The following SLC5A4 variants were observed in gnomAD, a reference collection of about 807,000 sequenced individuals.
SLC5A4 encodes solute carrier family 5 member 4, also known as probable glucose sensor protein SLC5A4.
Under a neutral mutation model 70.3 loss-of-function variants are expected in SLC5A4, and 55 were observed. The ratio of observed to expected loss-of-function variants is 0.78; its 90% CI spans 0.63 to 0.98. The LOEUF is 0.98. Among genes scored for constraint, SLC5A4 ranks in the 50% least tolerant of loss-of-function variants. SLC5A4 has a pLI of 0.00. For missense variants in SLC5A4, 735 were observed against 839.2 expected, an observed-to-expected ratio of 0.88 and a Z score of 1.53; for synonymous variants, 268 against 305.7, an observed-to-expected ratio of 0.88 and a Z score of 1.29.
At chr22:32,321,995 TCA>T in the SLC5A4 span, among the ~76,000 whole-genome samples, 1 of 152,208 alleles carries the variant, frequency 6.6e-6, no homozygotes, top group Non-Finnish European at 1.5e-5. Flanking sequence ...AATTTGGGCA[TCA>T]CACTCAATTA....
the SLC5A4 span, among the ~76,000 whole-genome samples, chr22:32,347,461 T>C: frequency 6.6e-6 from 1 of 151,910 alleles, no homozygotes. Context: ...AACCCAAATG[T>C]CCAACAATGA....
the SLC5A4 span, among the ~76,000 whole-genome samples, chr22:32,326,498 A>G: frequency 0.38 from 57,690 of 151,446 alleles, 11,329 homozygotes; most frequent in South Asian, 0.47. Context: ...CAGGTGATCC[A>G]CCCGCCTCGG....
intron 11 of SLC5A4, among the ~76,000 whole-genome samples, chr22:32,227,960 G>C (rs1029723514): frequency 2.6e-5 from 4 of 151,516 alleles, no homozygotes; most frequent in Non-Finnish European, 4.4e-5. Context: ...GCAAGACTCT[G>C]TCTTGAAAAA....
the SLC5A4 span, among the ~76,000 whole-genome samples, chr22:32,327,895 G>A: frequency 6.6e-6 from 1 of 152,254 alleles, no homozygotes; most frequent in South Asian, 2.1e-4. Flanking sequence ...GGGCACCTCG[G>A]GCATGGCATG....
chr22:32,335,152 C>T, the SLC5A4 span, among the ~76,000 whole-genome samples: 2 of 152,184 alleles, frequency 1.3e-5, no homozygotes, highest in Admixed American at 6.5e-5. Context: ...CCCAAGGACA[C>T]TGGGAGCCCT....
chr22:32,236,470 T>G (rs987421686), intron 7 of SLC5A4, among the ~76,000 whole-genome samples: 1 of 152,208 alleles, frequency 6.6e-6, no homozygotes, highest in East Asian at 1.9e-4. Context: ...TACAATACAT[T>G]GTTAGAATAC....
the SLC5A4 span, among the ~76,000 whole-genome samples, chr22:32,306,827 A>G: frequency 6.6e-6 from 1 of 152,194 alleles, no homozygotes; most frequent in African/African-American, 2.4e-5. Context: ...ACTATGATGT[A>G]TGCTACTAGC....
the SLC5A4 span, among the ~76,000 whole-genome samples, chr22:32,309,828 C>T: frequency 6.0e-4 from 91 of 151,672 alleles, no homozygotes; most frequent in African/African-American, 2.0e-3. Context: ...GGGTGACCTG[C>T]GGGAAGGAGG....
the SLC5A4 span, among the ~76,000 whole-genome samples, chr22:32,268,814 A>G: frequency 6.6e-6 from 1 of 152,212 alleles, no homozygotes; most frequent in Admixed American, 6.5e-5. Flanking sequence ...TTGGCTGCAG[A>G]GCCCTTAAAT....
At chr22:32,304,584 T>C in the SLC5A4 span, among the ~76,000 whole-genome samples, 1 of 152,236 alleles carries the variant, frequency 6.6e-6, no homozygotes, top group African/African-American at 2.4e-5. Flanking sequence ...TGGCTCTGTT[T>C]TCTTATGGTT....
chr22:32,282,223 C>A, the SLC5A4 span, among the ~76,000 whole-genome samples: 3 of 152,134 alleles, frequency 2.0e-5, no homozygotes, highest in Middle Eastern at 3.2e-3. Flanking sequence ...TGAACACCCC[C>A]CTCCAGCACA....
At chr22:32,267,586 C>T in the SLC5A4 span, among the ~76,000 whole-genome samples, 1 of 152,208 alleles carries the variant, frequency 6.6e-6, no homozygotes, top group Non-Finnish European at 1.5e-5. Context: ...TCAGGCGATC[C>T]TCCCGACTCA....
intron 1 of SLC5A4, among the ~76,000 whole-genome samples, chr22:32,254,469 T>C (rs1293086365): frequency 6.6e-6 from 1 of 152,228 alleles, no homozygotes; most frequent in African/African-American, 2.4e-5. Flanking sequence ...TTCTCACTTA[T>C]GAAAACCATG....
chr22:32,220,999 A>T lies in SLC5A4; in HGVS notation c.1689T>A (p.Leu563=), dbSNP rs760133865. 2 of 1,613,726 alleles carry T rather than the reference A, an allele frequency of 1.2e-6. No individual in the cohort carries two copies. The highest frequency in any genetic ancestry group is 1.7e-6 in the Non-Finnish European group (2 of 1,179,752). Residue 563 remains leucine (L), a synonymous_variant, in exon 14 of 15, where the codon CTT becomes CTA. Coordinates refer to ENST00000266086, the MANE Select transcript of SLC5A4 (RefSeq NM_014227.3). ...DVHLYRLCWV[L]RNSTEERIDI... is the part of the protein sequence containing the mutation. Reference sequence around the variant, plus strand: ...CGATTCGCTCCTCTGTACTGTTCCGAAGAACCCAGCACAGGCGGTACAGCT... The same window carrying T: ...CGATTCGCTCCTCTGTACTGTTCCGTAGAACCCAGCACAGGCGGTACAGCT...
chr22:32,318,146 G>C, the SLC5A4 span, among the ~76,000 whole-genome samples: 4 of 151,484 alleles, frequency 2.6e-5, no homozygotes, highest in Non-Finnish European at 2.9e-5. Flanking sequence ...TTGTTGGTCC[G>C]TCCACATCTT....
chr22:32,308,643 T>C, the SLC5A4 span, among the ~76,000 whole-genome samples: 2 of 152,200 alleles, frequency 1.3e-5, no homozygotes, highest in East Asian at 1.9e-4. Context: ...TGGGACACAT[T>C]TGAATCTTTC....
Position 32,235,026 on chromosome 22 carries a change from G to T in SLC5A4, c.732C>A (p.Val244=). 6.2e-6 allele frequency: 10 copies of T among 1,613,780 alleles called. No individual in the cohort carries two copies. The highest frequency in any genetic ancestry group is 8.5e-6 in the Non-Finnish European group (10 of 1,179,912). ...EKYVNATPSV[V]EGDNLTISAS... ...CACTGATTGTCAAGTTGTCCCCCTC[G>T]ACTACGGATGGGGTGGCATTCACGT... Residue 244 remains valine, a synonymous_variant, in exon 8 of 15, where the codon GTC becomes GTA. Transcript: ENST00000266086.
chr22:32,282,055 C>G, the SLC5A4 span, among the ~76,000 whole-genome samples: 1 of 151,790 alleles, frequency 6.6e-6, no homozygotes, highest in South Asian at 2.1e-4. Context: ...GTTGTCCAGG[C>G]TGGTCTCAAA....
the SLC5A4 span, among the ~76,000 whole-genome samples, chr22:32,308,089 C>CT: frequency 6.6e-6 from 1 of 152,000 alleles, no homozygotes; most frequent in Non-Finnish European, 1.5e-5. Flanking sequence ...ACCTACCTAC[C>CT]TAGAGTCACT....
Sources: gnomAD v4.1 joint callset for allele counts (sites outside exome capture counted in the v4.1 genomes callset) on GRCh38, gnomAD v4.1.1 for gene constraint, MANE v1.5 for transcripts, NCBI Gene and HGNC (gene_info 2026-07-23, HGNC 2026-07-21) for gene names.